COL8A1: variants seen among roughly 807,000 people sequenced by gnomAD.
COL8A1 encodes the protein collagen type VIII alpha 1 chain.
In COL8A1, 21 loss-of-function variants were observed where a neutral mutation model predicts 42.7. The observed-to-expected ratio is 0.49, with a 90% CI of 0.35 to 0.71. The LOEUF (loss-of-function observed/expected upper bound fraction) is 0.71, where lower values mean the gene tolerates loss of function less well. COL8A1 is among the 30% of genes least tolerant of loss of function. The pLI, the probability that COL8A1 is intolerant of heterozygous loss-of-function variation, is 0.01. For synonymous variants in COL8A1, 367 were observed against 369.1 expected (o/e 0.99, Z 0.06); for missense variants, 788 against 962.4 (o/e 0.82, Z 2.40).
intron 2 of COL8A1, among the ~76,000 whole-genome samples, chr3:99,748,483 A>C (rs1941076836): frequency 6.6e-6 from 1 of 152,202 alleles, no homozygotes; most frequent in Middle Eastern, 3.2e-3. Context: ...AAAAGTAATA[A>C]GTATAAATAT....
chr3:99,645,739 T>C (rs1350032075), intron 1 of COL8A1, among the ~76,000 whole-genome samples: 3 of 151,344 alleles, frequency 2.0e-5, no homozygotes, highest in Non-Finnish European at 4.4e-5. Context: ...TAAGAATAAA[T>C]CACCCACATT....
intron 2 of COL8A1, among the ~76,000 whole-genome samples, chr3:99,788,913 G>T (rs988791605): frequency 2.0e-5 from 3 of 152,060 alleles, no homozygotes; most frequent in African/African-American, 7.2e-5. Flanking sequence ...CTTTTTACTA[G>T]ATATCCTTTG....
chr3:99,681,429 T>C (rs1037719245), intron 1 of COL8A1, among the ~76,000 whole-genome samples: 3 of 152,190 alleles, frequency 2.0e-5, no homozygotes, highest in African/African-American at 7.2e-5. Flanking sequence ...AGTGGCCTTG[T>C]TCCATAGGGT....
chr3:99,696,976 A>ATTTTTTTTT (rs34865022), intron 1 of COL8A1, among the ~76,000 whole-genome samples: 4 of 88,016 alleles, frequency 4.5e-5, no homozygotes, highest in Admixed American at 1.5e-4. Flanking sequence ...ATATACACAA[A>ATTTTTTTTT]TTTTTTTTTT....
At chr3:99,780,271 G>A (rs998249161) in intron 2 of COL8A1, among the ~76,000 whole-genome samples, 3 of 152,210 alleles carry the variant, frequency 2.0e-5, no homozygotes, top group African/African-American at 7.2e-5. Context: ...GACAGGTTAA[G>A]TAACTTGCTT....
At chr3:99,755,785 T>C in intron 2 of COL8A1, among the ~76,000 whole-genome samples, 1 of 152,180 alleles carries the variant, frequency 6.6e-6, no homozygotes, top group East Asian at 1.9e-4. Flanking sequence ...AGAAGACCAC[T>C]GGCCAGAGCC....
chr3:99,674,307 T>A (rs1478679261), intron 1 of COL8A1, among the ~76,000 whole-genome samples: 1 of 151,974 alleles, frequency 6.6e-6, no homozygotes, highest in Non-Finnish European at 1.5e-5. Flanking sequence ...AAGATAAACA[T>A]GCCTGGCAAG....
At chr3:99,688,784 T>G (rs1416415313) in intron 1 of COL8A1, among the ~76,000 whole-genome samples, 1 of 152,180 alleles carries the variant, frequency 6.6e-6, no homozygotes, top group Non-Finnish European at 1.5e-5. Flanking sequence ...ATCATCATGT[T>G]CAATTCTTCC....
intron 2 of COL8A1, among the ~76,000 whole-genome samples, chr3:99,746,170 T>G (rs924379318): frequency 6.6e-6 from 1 of 152,206 alleles, no homozygotes; most frequent in Admixed American, 6.5e-5. Context: ...TTAGAGTTCC[T>G]GGAGAAATGC....
intron 1 of COL8A1, among the ~76,000 whole-genome samples, chr3:99,688,009 A>G (rs529047933): frequency 9.8e-5 from 15 of 152,336 alleles, no homozygotes; most frequent in African/African-American, 3.6e-4. Flanking sequence ...CCGTATGATC[A>G]TCAATATTCA....
At chr3:99,740,399 G>T (rs773649093) in intron 1 of COL8A1, among the ~76,000 whole-genome samples, 17 of 152,186 alleles carry the variant, frequency 1.1e-4, no homozygotes, top group Non-Finnish European at 2.4e-4. Context: ...ATATATAAAG[G>T]CAAGAGGTTT....
At chr3:99,720,426 G>T (rs1373258536) in intron 1 of COL8A1, among the ~76,000 whole-genome samples, 1 of 152,018 alleles carries the variant, frequency 6.6e-6, no homozygotes, top group Non-Finnish European at 1.5e-5. Context: ...ATATGTTATT[G>T]TATCAATATT....
At chr3:99,701,115 G>C (rs1228356276) in intron 1 of COL8A1, among the ~76,000 whole-genome samples, 1 of 152,184 alleles carries the variant, frequency 6.6e-6, no homozygotes, top group Non-Finnish European at 1.5e-5. Flanking sequence ...AGCTCACTGA[G>C]AGAGCATCTA....
intron 2 of COL8A1, among the ~76,000 whole-genome samples, chr3:99,767,768 A>G (rs1475716873): frequency 6.6e-6 from 1 of 152,218 alleles, no homozygotes; most frequent in African/African-American, 2.4e-5. Context: ...CAAGGTATAG[A>G]GGTGTAAGAT....
rs779659047 is a variant in COL8A1 at position 99,795,854 on chromosome 3, C to T, written c.1953C>T (p.Gly651=). ...NGRQNYNPQT[G]IFTCEVPGVY... Reference sequence around the variant, plus strand: ...GACAGAACTACAACCCGCAGACAGGCATCTTCACCTGTGAGGTCCCTGGTG... The same window carrying T: ...GACAGAACTACAACCCGCAGACAGGTATCTTCACCTGTGAGGTCCCTGGTG... Residue 651 remains glycine, a synonymous_variant, in exon 4 of 4, where the codon GGC becomes GGT. Coordinates refer to ENST00000652472, the MANE Select transcript of COL8A1 (RefSeq NM_020351.4). 1.2e-6 allele frequency: 2 copies of T among 1,614,084 alleles called. No homozygotes were observed. Among genetic ancestry groups the T allele is most frequent in the African/African-American group, 2.7e-5 (2 of 74,930 alleles).
chr3:99,698,891 G>A (rs1300264838), intron 1 of COL8A1, among the ~76,000 whole-genome samples: 4 of 152,168 alleles, frequency 2.6e-5, no homozygotes, highest in African/African-American at 9.7e-5. Flanking sequence ...CCAATAACGT[G>A]AGCTCTAAGC....
intron 1 of COL8A1, chr3:99,679,057 A>C (rs1938787112): frequency 6.6e-6 from 1 of 152,228 alleles, no homozygotes; most frequent in Non-Finnish European, 1.5e-5. Context: ...TCTAGCAGTC[A>C]TCTGAGATGA....
Position 99,639,362 on chromosome 3 carries a change from A to T in COL8A1, c.-129+698A>T, listed in dbSNP as rs191660439. Among the ~76,000 whole-genome samples the T allele has an allele frequency of 1.1e-4, 16 of 152,346 alleles. No homozygotes were observed. The East Asian group carries it at 3.1e-3, about 29-fold the overall frequency. ...GAAAGTGTATAAAAGAACTTCATGA[A>T]TTTCTGTACACACACCTAAACATAA... is the stretch of plus-strand genomic sequence containing the variant. On this transcript the variant is annotated intron_variant, in intron 1 of 3. Transcript: ENST00000652472.
chr3:99,699,546 C>G (rs1222764083), intron 1 of COL8A1, among the ~76,000 whole-genome samples: 1 of 152,188 alleles, frequency 6.6e-6, no homozygotes, highest in Non-Finnish European at 1.5e-5. Flanking sequence ...CCAGATAATA[C>G]TAAGAGAAAT....
Sources: gnomAD v4.1 joint callset for allele counts (sites outside exome capture counted in the v4.1 genomes callset) on GRCh38, gnomAD v4.1.1 for gene constraint, MANE v1.5 for transcripts, NCBI Gene and HGNC (gene_info 2026-07-23, HGNC 2026-07-21) for gene names.